The following ABCD3 variants were observed in gnomAD, a reference collection of about 807,000 sequenced individuals.
ABCD3 encodes ATP binding cassette subfamily D member 3.
A neutral mutation model predicts 105.5 loss-of-function variants in ABCD3; 41 were observed. The observed-to-expected ratio is 0.39, with a 90% CI of 0.30 to 0.50. ABCD3 has a LOEUF of 0.50. ABCD3 is among the 20% of genes least tolerant of loss of function. The pLI, the probability that ABCD3 is intolerant of heterozygous loss-of-function variation, is 0.84. For missense variants in ABCD3, 622 were observed against 806.3 expected, an observed-to-expected ratio of 0.77 and a Z score of 2.77; for synonymous variants, 258 against 269.0, an observed-to-expected ratio of 0.96 and a Z score of 0.40.
chr1:94,454,802 C>A (rs554144233), intron 1 of ABCD3, among the ~76,000 whole-genome samples: 35 of 152,216 alleles, frequency 2.3e-4, no homozygotes, highest in African/African-American at 7.0e-4. Flanking sequence ...CAGATGTACA[C>A]CACCATGCCC....
intron 5 of ABCD3, among the ~76,000 whole-genome samples, chr1:94,474,649 A>C (rs570895208): frequency 3.3e-5 from 5 of 152,130 alleles, no homozygotes; most frequent in Non-Finnish European, 7.4e-5. Flanking sequence ...TTGTAATGTA[A>C]CGATGGAAAA....
chr1:94,511,993 G>C (rs1378409340), intron 21 of ABCD3, among the ~76,000 whole-genome samples: 1 of 152,102 alleles, frequency 6.6e-6, no homozygotes, highest in Non-Finnish European at 1.5e-5. Flanking sequence ...CTCTCAGCTC[G>C]TCAAAGTCAT....
chr1:94,398,936 CA>C, the ABCD3 span, among the ~76,000 whole-genome samples: 5 of 150,888 alleles, frequency 3.3e-5, no homozygotes, highest in African/African-American at 1.2e-4. Context: ...AACAAACAAA[CA>C]AAAAAAACCT....
intron 20 of ABCD3, among the ~76,000 whole-genome samples, chr1:94,501,914 T>C (rs927827996): frequency 5.3e-5 from 8 of 152,032 alleles, no homozygotes; most frequent in Admixed American, 5.2e-4. Flanking sequence ...TATCCCCCTT[T>C]CTCAAATTCC....
chr1:94,405,396 C>T, the ABCD3 span, among the ~76,000 whole-genome samples: 1 of 151,746 alleles, frequency 6.6e-6, no homozygotes, highest in Non-Finnish European at 1.5e-5. Flanking sequence ...TCACAACCTC[C>T]GCCTACTGGG....
At chr1:94,468,842 C>T (rs925937663) in intron 4 of ABCD3, among the ~76,000 whole-genome samples, 3 of 152,052 alleles carry the variant, frequency 2.0e-5, no homozygotes, top group East Asian at 1.9e-4. Context: ...TGCTTTATGA[C>T]CATGCTCTCT....
chr1:94,454,123 A>G (rs1226328549), intron 1 of ABCD3, among the ~76,000 whole-genome samples: 1 of 152,090 alleles, frequency 6.6e-6, no homozygotes, highest in Non-Finnish European at 1.5e-5. Flanking sequence ...TGGTTATGGA[A>G]ATAAATTGAA....
chr1:94,469,491 G>GT (rs3072753), intron 4 of ABCD3, among the ~76,000 whole-genome samples: 33,326 of 137,038 alleles, frequency 0.24, 4,240 homozygotes, highest in East Asian at 0.47. Flanking sequence ...GTGCACATTA[G>GT]TTTTTTTTTT....
intron 21 of ABCD3, among the ~76,000 whole-genome samples, chr1:94,512,705 C>A (rs1650741726): frequency 6.6e-6 from 1 of 151,940 alleles, no homozygotes; most frequent in Non-Finnish European, 1.5e-5. Context: ...TTTATTGGTT[C>A]CATTCTTTAA....
the ABCD3 span, among the ~76,000 whole-genome samples, chr1:94,411,264 G>T: frequency 6.6e-6 from 1 of 152,052 alleles, no homozygotes; most frequent in African/African-American, 2.4e-5. Flanking sequence ...AATATACAAA[G>T]AATTTTTACA....
the ABCD3 span, among the ~76,000 whole-genome samples, chr1:94,385,954 C>G: frequency 6.6e-6 from 1 of 151,460 alleles, no homozygotes; most frequent in African/African-American, 2.4e-5. Context: ...ATATTCACTT[C>G]CTTCTCGATA....
intron 1 of ABCD3, among the ~76,000 whole-genome samples, chr1:94,426,964 C>T (rs1236122976): frequency 6.6e-6 from 1 of 150,486 alleles, no homozygotes; most frequent in African/African-American, 2.4e-5. Context: ...ATTACTATTC[C>T]TTCTGTATGT....
intron 16 of ABCD3, among the ~76,000 whole-genome samples, chr1:94,495,648 T>G (rs973109483): frequency 6.6e-6 from 1 of 152,300 alleles, no homozygotes; most frequent in Admixed American, 6.5e-5. Flanking sequence ...AATCTGTTTT[T>G]GGGGTTTCCT....
intron 1 of ABCD3, among the ~76,000 whole-genome samples, chr1:94,445,467 T>C (rs2100925067): frequency 6.6e-6 from 1 of 152,300 alleles, no homozygotes; most frequent in Admixed American, 6.5e-5. Context: ...GTGTGGGCTC[T>C]GGTTCGTTCC....
upstream of ABCD3, among the ~76,000 whole-genome samples, chr1:94,417,825 A>G (rs573053123): frequency 1.5e-4 from 23 of 152,326 alleles, no homozygotes; most frequent in Admixed American, 1.4e-3. Flanking sequence ...ACAATGCGCT[A>G]GAGATTATAA....
At chr1:94,468,486 A>G (rs1473432507) in intron 4 of ABCD3, among the ~76,000 whole-genome samples, 2 of 152,192 alleles carry the variant, frequency 1.3e-5, no homozygotes, top group African/African-American at 4.8e-5. Flanking sequence ...TTTTTTCATT[A>G]TAGTCTTTCT....
At chr1:94,397,061 CT>C in the ABCD3 span, among the ~76,000 whole-genome samples, 10 of 152,006 alleles carry the variant, frequency 6.6e-5, no homozygotes, top group South Asian at 2.1e-4. Context: ...TGATTAGACA[CT>C]TTTTTTTATT....
intron 21 of ABCD3, among the ~76,000 whole-genome samples, chr1:94,511,815 G>C (rs1168820673): frequency 6.6e-6 from 1 of 151,986 alleles, no homozygotes; most frequent in African/African-American, 2.4e-5. Flanking sequence ...TCTTCACATA[G>C]TTCTTGAGCC....
At chr1:94,477,227 CAAAAAAAAAAAAAAAAA>C in intron 7 of ABCD3, among the ~76,000 whole-genome samples, 1 of 44,308 alleles carries the variant, frequency 2.3e-5, no homozygotes, top group East Asian at 8.5e-4. Flanking sequence ...ACTTATAAGG[CAAAAAAAAAAAAAAAAA>C]AAAAAAAAAA....
Sources: allele counts gnomAD v4.1 joint callset (sites outside exome capture counted in the v4.1 genomes callset), GRCh38; gene constraint gnomAD v4.1.1; transcripts MANE v1.5; gene names NCBI Gene and HGNC (gene_info 2026-07-23, HGNC 2026-07-21).